RGS17: variants seen among roughly 807,000 people sequenced by gnomAD.
The protein encoded by RGS17 is regulator of G-protein signaling 17.
Under a neutral mutation model 25.5 loss-of-function variants are expected in RGS17, and 12 were observed. The ratio of observed to expected loss-of-function variants is 0.47; its 90% confidence interval spans 0.30 to 0.76. The LOEUF (loss-of-function observed/expected upper bound fraction) is 0.76, where lower values mean the gene tolerates loss of function less well. Ranked by LOEUF, RGS17 falls within the 30% of genes least tolerant of loss-of-function variation. The pLI is 0.07. For missense variants in RGS17, 196 were observed against 242.2 expected, an observed-to-expected ratio of 0.81 and a Z score of 1.27; for synonymous variants, 71 against 76.9, an observed-to-expected ratio of 0.92 and a Z score of 0.40.
At chr6:153,028,932 C>T (rs558642238) in intron 2 of RGS17, among the ~76,000 whole-genome samples, 1 of 152,124 alleles carries the variant, frequency 6.6e-6, no homozygotes, top group Admixed American at 6.5e-5. Context: ...CTCCGTTGTG[C>T]CTTTGCCGTA....
At chr6:153,043,856 C>T in intron 2 of RGS17, 44 bp downstream of exon 2, 1 of 1,214,074 alleles carries the variant, frequency 8.2e-7, no homozygotes. Flanking sequence ...CACACTAGTG[C>T]CTGCCAAGCC....
Position 153,079,082 on chromosome 6 carries a change from A to AT in RGS17, c.-25-35040dup, listed in dbSNP as rs112637774. Among the ~76,000 whole-genome samples, 610 of 147,866 alleles carry AT rather than the reference A, an allele frequency of 4.1e-3. 2 individuals are homozygous for AT. The highest frequency in any genetic ancestry group is 9.0e-3 in the African/African-American group (364 of 40,248). On this transcript the variant is annotated intron_variant, in intron 1 of 4. Transcript: ENST00000206262. ...AAACAATGTTGAAAAGAAGTGATAA[A>AT]TTTTTTTTTTTTTTGAGATAGAGTC... is the stretch of plus-strand genomic sequence containing the variant.
chr6:153,043,778 T>C (rs530056725), intron 2 of RGS17, 122 bp downstream of exon 2: 71 of 614,114 alleles, frequency 1.2e-4, no homozygotes, highest in African/African-American at 1.0e-3. Flanking sequence ...TAAGTCCTAC[T>C]TGCAAAGAAA....
intron 1 of RGS17, among the ~76,000 whole-genome samples, chr6:153,059,689 C>A (rs925163967): frequency 1.3e-5 from 2 of 152,156 alleles, no homozygotes; most frequent in Admixed American, 6.5e-5. Context: ...AATTTGTAAT[C>A]CCAACTGTAA....
At chr6:153,020,014 T>G in intron 4 of RGS17, among the ~76,000 whole-genome samples, 1 of 141,322 alleles carries the variant, frequency 7.1e-6, no homozygotes, top group East Asian at 2.0e-4. Flanking sequence ...AAATTTCTAG[T>G]TTTTTTTTTA....
chr6:153,054,092 T>TATATATATATGTATATA (rs1393844507), intron 1 of RGS17, among the ~76,000 whole-genome samples: 12 of 42,080 alleles, frequency 2.9e-4, no homozygotes, highest in South Asian at 1.1e-3. Flanking sequence ...ACAATATTTT[T>TATATATATATGTATATA]TATATATATA....
chr6:153,072,288 C>T (rs1778332351), intron 1 of RGS17, among the ~76,000 whole-genome samples: 1 of 152,116 alleles, frequency 6.6e-6, no homozygotes, highest in Admixed American at 6.6e-5. Flanking sequence ...AAATAACACA[C>T]ATAGGTTATC....
chr6:153,026,559 A>C lies in RGS17; in HGVS notation c.120-16T>G, dbSNP rs766369431. 6.3e-7 allele frequency: 1 copy of C among 1,594,772 alleles called. No homozygotes were observed. Among genetic ancestry groups the C allele is most frequent in the South Asian group, 1.1e-5 (1 of 89,824 alleles). ...CACAGTGAGGCTGTAATGTAACAGA[A>C]CATTTAATTTTGTCAAGGGAAATTC... is the stretch of plus-strand genomic sequence containing the variant. On this transcript the variant is annotated splice_polypyrimidine_tract_variant and intron_variant, in intron 2 of 4. Transcript: ENST00000206262.
At position 153,058,651 on chromosome 6, in the gene RGS17, G is replaced by T. The variant is rs1776596390; in HGVS notation, c.-25-14608C>A. 3.3e-5 allele frequency among the ~76,000 whole-genome samples: 5 copies of T among 152,184 alleles called. No individual in the cohort carries two copies. In the South Asian group the frequency reaches 1.0e-3, roughly 32 times the overall value. On this transcript the variant is annotated intron_variant, in intron 1 of 4. Transcript: ENST00000206262. Reference sequence around the variant, plus strand: ...TTGTGAAGCCCACTTCAGCACTGGGGTGGACAAGGAAGCAATTCACCAAGT... The same window carrying T: ...TTGTGAAGCCCACTTCAGCACTGGGTTGGACAAGGAAGCAATTCACCAAGT...
rs373473715 is a variant in RGS17, at chr6:153,120,042, C to T, written c.-26+11082G>A. Reference sequence around the variant, plus strand: ...ATTTTGTTTTGTAAGTGAATTTCACCACCTATATTCTTGACCTCTAACCAT... The same window carrying T: ...ATTTTGTTTTGTAAGTGAATTTCACTACCTATATTCTTGACCTCTAACCAT... On this transcript the variant is annotated intron_variant, in intron 1 of 4. Transcript: ENST00000206262. 1.2e-3 allele frequency among the ~76,000 whole-genome samples: 183 copies of T among 152,260 alleles called. No individual in the cohort carries two copies. The South Asian group carries it at 0.016, about 13-fold the overall frequency.
chr6:153,122,708 A>G (rs922973997), intron 1 of RGS17, among the ~76,000 whole-genome samples: 9 of 152,124 alleles, frequency 5.9e-5, no homozygotes, highest in African/African-American at 2.2e-4. Flanking sequence ...CAACAAAATT[A>G]TGTAAATATC....
chr6:153,090,851 G>GTATATATATA (rs71017579), intron 1 of RGS17, among the ~76,000 whole-genome samples: 33 of 150,690 alleles, frequency 2.2e-4, no homozygotes, highest in African/African-American at 7.8e-4. Flanking sequence ...AAAAAACATA[G>GTATATATATA]TATATATATA....
chr6:153,082,632 T>C (rs992696740), intron 1 of RGS17, among the ~76,000 whole-genome samples: 13 of 152,238 alleles, frequency 8.5e-5, no homozygotes, highest in Admixed American at 3.9e-4. Flanking sequence ...GCTATTTATA[T>C]ACTAGTTCCA....
Position 153,075,349 on chromosome 6 carries a change from C to T in RGS17, c.-25-31306G>A, listed in dbSNP as rs182965597. On this transcript the variant is annotated intron_variant, in intron 1 of 4. Transcript: ENST00000206262. ...ACCTTCACTTTTGTAACTGGGCATA[C>T]GTCTCATGGAGACCCTGAAAACTGT... Among the ~76,000 whole-genome samples the T allele has an allele frequency of 1.8e-3, 274 of 152,278 alleles. 6 individuals carry two copies. The highest frequency in any genetic ancestry group is 0.015 in the Admixed American group (231 of 15,292).
intron 1 of RGS17, among the ~76,000 whole-genome samples, chr6:153,044,882 T>C (rs1011025737): frequency 1.3e-4 from 20 of 152,184 alleles, no homozygotes; most frequent in Non-Finnish European, 2.8e-4. Flanking sequence ...AGGATTAAAA[T>C]AAAAAGTTTT....
intron 1 of RGS17, among the ~76,000 whole-genome samples, chr6:153,101,290 A>G (rs1311256474): frequency 6.6e-6 from 1 of 152,192 alleles, no homozygotes; most frequent in Non-Finnish European, 1.5e-5. Flanking sequence ...CAAGTACAGT[A>G]TTCACAGGAT....
intron 2 of RGS17, among the ~76,000 whole-genome samples, chr6:153,030,886 G>C (rs1394450726): frequency 6.6e-6 from 1 of 152,196 alleles, no homozygotes; most frequent in Non-Finnish European, 1.5e-5. Flanking sequence ...GGACAGAACT[G>C]TGCATATGGG....
intron 4 of RGS17, chr6:153,023,469 C>A (rs1779267131): frequency 2.7e-6 from 1 of 371,364 alleles, no homozygotes; most frequent in Non-Finnish European, 5.6e-6. Context: ...CATTATTAAC[C>A]ACTCTTTCAC....
intron 2 of RGS17, among the ~76,000 whole-genome samples, chr6:153,034,348 G>A (rs773338917): frequency 1.3e-5 from 2 of 152,150 alleles, no homozygotes; most frequent in Non-Finnish European, 1.5e-5. Context: ...TACCTGTGCC[G>A]ATTAATGTGA....
Sources: allele counts gnomAD v4.1 joint callset (sites outside exome capture counted in the v4.1 genomes callset), GRCh38; gene constraint gnomAD v4.1.1; transcripts MANE v1.5; gene names NCBI Gene and HGNC (gene_info 2026-07-23, HGNC 2026-07-21).